ZNF668: variants seen among roughly 807,000 people sequenced by gnomAD.
ZNF668 encodes the protein zinc finger protein 668.
ZNF668 carries 10 observed loss-of-function variants against 40.3 expected under a neutral mutation model. The ratio of observed to expected loss-of-function variants is 0.25; its 90% CI spans 0.15 to 0.42. The LOEUF is 0.42. Ranked by LOEUF, ZNF668 falls within the 10% of genes least tolerant of loss-of-function variation. The pLI is 1.00. For missense variants in ZNF668, 749 were observed against 904.6 expected (o/e 0.83, Z 2.21); for synonymous variants, 428 against 384.6 (o/e 1.11, Z -1.32).
At chr16:31,071,931 T>C (rs996263930) in intron 1 of ZNF668, among the ~76,000 whole-genome samples, 12 of 152,226 alleles carry the variant, frequency 7.9e-5, no homozygotes, top group African/African-American at 2.7e-4. Flanking sequence ...CATTCATATA[T>C]TGAAATTCTA....
intron 1 of ZNF668, among the ~76,000 whole-genome samples, chr16:31,070,919 T>TG (rs2143778961): frequency 6.6e-6 from 1 of 151,808 alleles, no homozygotes; most frequent in East Asian, 1.9e-4. Context: ...TGGAGTGCAA[T>TG]GGTGTGATGT....
At chr16:31,067,621 C>T (rs139037707) in intron 1 of ZNF668, among the ~76,000 whole-genome samples, 170 of 152,260 alleles carry the variant, frequency 1.1e-3, no homozygotes, top group Admixed American at 1.8e-3. Context: ...ATTATCAAAG[C>T]GTCTTCTTAG....
At chr16:31,069,714 C>G (rs922589378) in intron 1 of ZNF668, among the ~76,000 whole-genome samples, 6 of 151,924 alleles carry the variant, frequency 3.9e-5, no homozygotes, top group Non-Finnish European at 7.4e-5. Context: ...AAGCAGTTCT[C>G]CTGCCTCAGC....
chr16:31,071,311 C>A (rs942615897), intron 1 of ZNF668, among the ~76,000 whole-genome samples: 3 of 152,030 alleles, frequency 2.0e-5, no homozygotes, highest in Non-Finnish European at 4.4e-5. Context: ...GGACTACAGG[C>A]GAAAGCCATC....
rs1290340667 is a variant in ZNF668, at chr16:31,063,838, G to C, written c.622C>G (p.Leu208Val). ...CERCGKAYAELKDLRNHERSH... is the reference protein window; with the variant it reads ...CERCGKAYAEVKDLRNHERSH... ...CGCTCATGGTTGCGGAGGTCCTTGA[G>C]CTCCGCATAGGCTTTGCCGCAACGC... The change falls in exon 2 of 3, where the codon CTC becomes GTC. Residue 208 changes from leucine to valine, a missense_variant. By Grantham distance (32) the Leu-to-Val change is conservative. Transcript: ENST00000300849. The C allele has an allele frequency of 6.3e-7, 1 of 1,581,626 alleles. No individual in the cohort carries two copies. Among genetic ancestry groups the C allele is most frequent in the African/African-American group, 1.3e-5 (1 of 74,214 alleles).
intron 1 of ZNF668, among the ~76,000 whole-genome samples, chr16:31,066,960 C>T (rs556901990): frequency 1.5e-4 from 23 of 149,702 alleles, no homozygotes; most frequent in Non-Finnish European, 1.8e-4. Context: ...GCGGGTGGAT[C>T]GCTTGAGCCC....
rs749789288 is a variant in ZNF668 at position 31,061,406 on chromosome 16, C to T, written c.1522G>A (p.Glu508Lys). The part of the protein sequence containing the change: ...LEGAGEAGGE[E>K]ADEKPPQFVC... Reference sequence around the variant, plus strand: ...AACTGGGGGGGCTTCTCGTCAGCCTCCTCACCCCCCGCCTCGCCTGCCCCT... The same window carrying T: ...AACTGGGGGGGCTTCTCGTCAGCCTTCTCACCCCCCGCCTCGCCTGCCCCT... Residue 508 changes from glutamate to lysine, a missense_variant, in exon 3 of 3, where the codon GAG becomes AAG. Physicochemically the swap from Glu to Lys is moderately conservative, Grantham distance 56. Around this residue, in one of 4 missense-constraint regions of ZNF668, gnomAD observed 310 missense variants for 355.1 expected, o/e 0.87. Coordinates refer to ENST00000300849, the MANE Select transcript of ZNF668 (RefSeq NM_024706.5). The surrounding 1 kb of genome is among the most constrained non-coding windows in gnomAD (Gnocchi z 7.7). 1.2e-6 allele frequency: 2 copies of T among 1,613,882 alleles called. No individual in the cohort carries two copies. Among genetic ancestry groups the T allele is most frequent in the South Asian group, 2.2e-5 (2 of 91,086 alleles).
chr16:31,066,088 A>G (rs9927295), intron 1 of ZNF668: 752,603 of 985,262 alleles, frequency 0.76, 288,197 homozygotes, highest in East Asian at 1. Flanking sequence ...CACATCCTTA[A>G]AGTCAGCACC....
At position 31,061,984 on chromosome 16, in the gene ZNF668, T is replaced by C; in HGVS notation, c.944A>G (p.Lys315Arg). 1 of 1,613,770 alleles carries C rather than the reference T, an allele frequency of 6.2e-7. No homozygotes were observed. Among genetic ancestry groups the C allele is most frequent in the Non-Finnish European group, 8.5e-7 (1 of 1,179,850 alleles). ...VKPYHCEKCGKDFRQPADLAM... is the reference protein window; with the variant it reads ...VKPYHCEKCGRDFRQPADLAM... ...CAGGTCCGCCGGCTGCCGGAAGTCC[T>C]TGCCGCACTTCTCGCAGTGGTATGG... The change falls in exon 3 of 3, where the codon AAG becomes AGG. Residue 315 changes from lysine (K) to arginine (R), a missense_variant. This residue lies in a region of ZNF668 where 129 missense variants were observed against 231.2 expected (regional missense o/e 0.56). Coordinates refer to ENST00000300849, the MANE Select transcript of ZNF668 (RefSeq NM_024706.5). The surrounding 1 kb of genome is among the most constrained non-coding windows in gnomAD (Gnocchi z 7.7).
intron 1 of ZNF668, among the ~76,000 whole-genome samples, chr16:31,071,339 G>C (rs2057014792): frequency 6.6e-6 from 1 of 151,514 alleles, no homozygotes; most frequent in Admixed American, 6.6e-5. Flanking sequence ...GCAAACTTTT[G>C]TATTTTTAGT....
chr16:31,068,645 C>G (rs1006974756), intron 1 of ZNF668, among the ~76,000 whole-genome samples: 2 of 149,392 alleles, frequency 1.3e-5, no homozygotes, highest in Non-Finnish European at 1.5e-5. Flanking sequence ...CTCACTCTGT[C>G]GCTCAGGCTG....
chr16:31,073,817 G>A lies in ZNF668; in HGVS notation c.-181C>T, dbSNP rs1212085576. 6.6e-6 allele frequency: 1 copy of A among 152,274 alleles called. No homozygotes were observed. The highest frequency in any genetic ancestry group is 6.5e-5 in the Admixed American group (1 of 15,290). 9.4% of individuals were successfully genotyped at this position (152,274 alleles called of 1,614,324 possible). On this transcript the variant is annotated 5_prime_UTR_variant, in exon 1 of 3. Transcript: ENST00000300849. ...GGAAGTGAGGGATCTTCCTCAGCTAGGAAGGAAGGGAAAGTTCCCGGGGAA... is the reference window on the plus strand; with the variant it reads ...GGAAGTGAGGGATCTTCCTCAGCTAAGAAGGAAGGGAAAGTTCCCGGGGAA...
chr16:31,062,931 C>T (rs1189540000), intron 2 of ZNF668: 1 of 150,750 alleles, frequency 6.6e-6, no homozygotes, highest in Non-Finnish European at 1.5e-5. Context: ...CCCGTCTCTA[C>T]TAAAAATACA....
rs752029454 is a variant in ZNF668, at chr16:31,064,195, A to G, written c.265T>C (p.Cys89Arg). ...AKPRPYACPL[C>R]PKAYKTAPEL... ...GGTGCCGTCTTGTAGGCCTTGGGGC[A>G]TAGCGGACACGCATAGGGCCTAGGC... is the stretch of plus-strand genomic sequence containing the variant. The change falls in exon 2 of 3, where the codon TGC becomes CGC. Residue 89 changes from cysteine to arginine, a missense_variant. Physicochemically the swap from Cys to Arg is radical, Grantham distance 180. Around this residue, in one of 4 missense-constraint regions of ZNF668, gnomAD observed 159 missense variants for 139.8 expected, o/e 1.14. Coordinates refer to ENST00000300849, the MANE Select transcript of ZNF668 (RefSeq NM_024706.5). The G allele has an allele frequency of 6.2e-7, 1 of 1,612,508 alleles. No homozygotes were observed. Among genetic ancestry groups the G allele is most frequent in the South Asian group, 1.1e-5 (1 of 91,088 alleles).
intron 1 of ZNF668, among the ~76,000 whole-genome samples, chr16:31,070,867 GTTATTA>G (rs933831148): frequency 6.8e-6 from 1 of 147,182 alleles, no homozygotes; most frequent in Non-Finnish European, 1.5e-5. Flanking sequence ...ATTATTTATT[GTTATTA>G]TTATTTGAGA....
rs199894608 is a variant in ZNF668 at position 31,061,372 on chromosome 16, C to T, written c.1556G>A (p.Arg519Gln). The change falls in exon 3 of 3, where the codon CGA (arginine) becomes CAA (glutamine). Residue 519 changes from arginine to glutamine, a missense_variant. Around this residue, in one of 4 missense-constraint regions of ZNF668, gnomAD observed 310 missense variants for 355.1 expected, o/e 0.87. Transcript: ENST00000300849. The surrounding 1 kb of genome is among the most constrained non-coding windows in gnomAD (Gnocchi z 7.7). ...ADEKPPQFVC[R>Q]ECKETFSTMT... Reference sequence around the variant, plus strand: ...TGTGGAGAAGGTCTCCTTGCACTCTCGGCACACAAACTGGGGGGGCTTCTC... The same window carrying T: ...TGTGGAGAAGGTCTCCTTGCACTCTTGGCACACAAACTGGGGGGGCTTCTC... 37 of 1,613,488 alleles carry T rather than the reference C, an allele frequency of 2.3e-5. No homozygotes were observed. The East Asian group carries it at 6.7e-4, about 29-fold the overall frequency.
chr16:31,066,158 A>C, intron 1 of ZNF668: 6 of 985,366 alleles, frequency 6.1e-6, no homozygotes, highest in Non-Finnish European at 7.2e-6. Context: ...AACCCCATGC[A>C]GCCGGTCTTC....
Position 31,062,122 on chromosome 16 carries a change from C to T in ZNF668, c.806G>A (p.Ser269Asn). 5.0e-6 allele frequency: 8 copies of T among 1,613,856 alleles called. No individual in the cohort carries two copies. The highest frequency in any genetic ancestry group is 6.8e-6 in the Non-Finnish European group (8 of 1,179,868). Reference protein sequence around the residue: ...KGFTQLSSYQSHERTHSGEKP... With the variant: ...KGFTQLSSYQNHERTHSGEKP... ...CTCCCCCGAGTGCGTGCGCTCGTGG[C>T]TCTGGTAGGAACTGAGCTGCGTGAA... The change falls in exon 3 of 3, where the codon AGC (serine) becomes AAC (asparagine). Residue 269 changes from serine (S) to asparagine (N), a missense_variant. Ser to Asn is a conservative substitution (Grantham distance 46). This residue lies in a region of ZNF668 where 129 missense variants were observed against 231.2 expected (regional missense o/e 0.56). Transcript: ENST00000300849.
At chr16:31,067,751 C>T (rs892861422) in intron 1 of ZNF668, among the ~76,000 whole-genome samples, 2 of 152,174 alleles carry the variant, frequency 1.3e-5, no homozygotes, top group Non-Finnish European at 1.5e-5. Flanking sequence ...AGTTAAGTGA[C>T]TTGCCCATGG....
Sources: allele counts gnomAD v4.1 joint callset (sites outside exome capture counted in the v4.1 genomes callset), GRCh38; gene constraint gnomAD v4.1.1; regional missense constraint gnomAD v4.1.1; non-coding constraint Gnocchi (gnomAD v3.1); transcripts MANE v1.5; gene names NCBI Gene and HGNC (gene_info 2026-07-23, HGNC 2026-07-21).